NTNG2: variants seen among roughly 807,000 people sequenced by gnomAD.
The protein encoded by NTNG2 is netrin G2.
A neutral mutation model predicts 47.6 loss-of-function variants in NTNG2; 15 were observed. That is an observed-to-expected ratio of 0.32 (90% confidence interval 0.21 to 0.49). The LOEUF is 0.49. Ranked by LOEUF, NTNG2 falls within the 20% of genes least tolerant of loss-of-function variation. The pLI, the probability that NTNG2 is intolerant of heterozygous loss-of-function variation, is 0.99. For missense variants in NTNG2, 578 were observed against 764.6 expected (o/e 0.76, Z 2.88); for synonymous variants, 307 against 324.6 (o/e 0.95, Z 0.58).
intron 3 of NTNG2, among the ~76,000 whole-genome samples, chr9:132,209,155 GT>G (rs1457729980): frequency 6.6e-6 from 1 of 152,264 alleles, no homozygotes; most frequent in Non-Finnish European, 1.5e-5. Context: ...TCGTGGAAAG[GT>G]TTTTGGGTGA....
chr9:132,200,506 G>A (rs949357222), intron 3 of NTNG2, among the ~76,000 whole-genome samples: 5 of 152,234 alleles, frequency 3.3e-5, no homozygotes, highest in African/African-American at 9.7e-5. Flanking sequence ...GTACAGGACC[G>A]GGAAAAACAT....
intron 2 of NTNG2, among the ~76,000 whole-genome samples, chr9:132,195,795 A>AT (rs1245610886): frequency 1.0e-3 from 151 of 151,432 alleles, no homozygotes; most frequent in African/African-American, 3.5e-3. Flanking sequence ...TGCCCAGCTA[A>AT]TTTTTAAATT....
At chr9:132,212,386 T>C (rs1003638684) in intron 3 of NTNG2, among the ~76,000 whole-genome samples, 1 of 152,148 alleles carries the variant, frequency 6.6e-6, no homozygotes, top group African/African-American at 2.4e-5. Flanking sequence ...TTGTAATGGG[T>C]AATAGGATTT....
At chr9:132,239,650 C>T (rs983667118) in intron 6 of NTNG2, among the ~76,000 whole-genome samples, 1 of 152,198 alleles carries the variant, frequency 6.6e-6, no homozygotes, top group African/African-American at 2.4e-5. Context: ...TGGGGGGGTC[C>T]CCCTCCATAG....
intron 2 of NTNG2, among the ~76,000 whole-genome samples, chr9:132,170,705 G>A (rs1157689590): frequency 6.6e-6 from 1 of 152,160 alleles, no homozygotes; most frequent in Non-Finnish European, 1.5e-5. Flanking sequence ...GAGCTGACGA[G>A]CAGGTGAGAG....
At chr9:132,225,279 G>GT (rs1480419966) in intron 3 of NTNG2, among the ~76,000 whole-genome samples, 33 of 145,796 alleles carry the variant, frequency 2.3e-4, no homozygotes, top group East Asian at 8.3e-4. Flanking sequence ...GTTTTGTTTT[G>GT]TTTTTTTTGG....
In NTNG2 at chr9:132,226,253, G is replaced by T. The variant is rs1840747203; in HGVS notation, c.858-596G>T. ...TTTATTTACCAGTTTTCAGAATAAT[G>T]AGTCGCCTATAAATATTTGAATGAA... is the stretch of plus-strand genomic sequence containing the variant. On this transcript the variant is annotated intron_variant, in intron 3 of 7. Transcript: ENST00000393229. The surrounding 1 kb of genome is among the most constrained non-coding windows in gnomAD (Gnocchi z 4.8). 6.6e-6 allele frequency among the ~76,000 whole-genome samples: 1 copy of T among 152,230 alleles called. No individual in the cohort carries two copies. Among genetic ancestry groups the T allele is most frequent in the South Asian group, 2.1e-4 (1 of 4,836 alleles).
At position 132,218,488 on chromosome 9, in the gene NTNG2, G is replaced by GA. The variant is rs1554791046; in HGVS notation, c.858-8361_858-8360insA. 6.6e-6 allele frequency among the ~76,000 whole-genome samples: 1 copy of GA among 151,572 alleles called. No homozygotes were observed. The highest frequency in any genetic ancestry group is 1.5e-5 in the Non-Finnish European group (1 of 67,864). ...CAATGTGATAGCGTTTTGTTTTTTT[G>GA]TTTTTTTTGTTTTTCTGGTTTTTTT... is the stretch of plus-strand genomic sequence containing the variant. On this transcript the variant is annotated intron_variant, in intron 3 of 7. Coordinates refer to ENST00000393229, the MANE Select transcript of NTNG2 (RefSeq NM_032536.4). This position sits in a 1 kb window ranked among gnomAD's most constrained non-coding sequence, Gnocchi z 5.4.
chr9:132,230,443 G>A (rs1207996488), intron 4 of NTNG2, 129 bp from the exon 5 acceptor site: 3 of 767,988 alleles, frequency 3.9e-6, no homozygotes, highest in African/African-American at 1.7e-5. Flanking sequence ...CAGTTGTGTG[G>A]TGGAGCAGGT....
chr9:132,168,505 A>C (rs1835657214), intron 2 of NTNG2, among the ~76,000 whole-genome samples: 1 of 151,904 alleles, frequency 6.6e-6, no homozygotes, highest in Admixed American at 6.6e-5. Context: ...AGTGGTGATG[A>C]GGCTGTCACT....
chr9:132,168,724 G>A lies in NTNG2; in HGVS notation c.213+1680G>A, dbSNP rs79179792. ...GGTACTCAGTCCACATCTCAAAGCC[G>A]GTGGGAGGGTTCTCCACACGCTCTC... On this transcript the variant is annotated intron_variant, in intron 2 of 7. Coordinates refer to ENST00000393229, the MANE Select transcript of NTNG2 (RefSeq NM_032536.4). Among the ~76,000 whole-genome samples, 822 of 152,296 alleles carry A rather than the reference G, an allele frequency of 5.4e-3. 2 individuals carry two copies. The highest frequency in any genetic ancestry group is 9.5e-3 in the Non-Finnish European group (645 of 68,012).
intron 1 of NTNG2, among the ~76,000 whole-genome samples, chr9:132,164,940 C>T (rs1402246861): frequency 1.3e-5 from 2 of 152,102 alleles, no homozygotes; most frequent in Non-Finnish European, 2.9e-5. Flanking sequence ...TTGGCAGGAG[C>T]GTTTTTCTGT....
chr9:132,230,460 G>C, intron 4 of NTNG2, 112 bp from the exon 5 acceptor site: 1 of 914,508 alleles, frequency 1.1e-6, no homozygotes, highest in Non-Finnish European at 1.8e-6. Context: ...AGGTGCTCTT[G>C]AGGGAGCGAC....
At chr9:132,219,220 CAA>C (rs372778486) in intron 3 of NTNG2, among the ~76,000 whole-genome samples, 3 of 88,674 alleles carry the variant, frequency 3.4e-5, no homozygotes, top group Admixed American at 1.1e-4. Flanking sequence ...TGTCTCAAAA[CAA>C]AAAAAAAAAA....
chr9:132,219,241 A>G (rs1840192413), intron 3 of NTNG2, among the ~76,000 whole-genome samples: 1 of 151,434 alleles, frequency 6.6e-6, no homozygotes, highest in Admixed American at 6.6e-5. Flanking sequence ...AAGAAAAAAA[A>G]AGTCATCTAC....
intron 3 of NTNG2, among the ~76,000 whole-genome samples, chr9:132,222,309 G>T (rs1039614276): frequency 4.6e-5 from 7 of 152,190 alleles, no homozygotes; most frequent in Admixed American, 3.3e-4. Flanking sequence ...CCAGAAAGAA[G>T]GGCCGCCCGT....
intron 3 of NTNG2, among the ~76,000 whole-genome samples, chr9:132,213,564 C>T (rs1839764766): frequency 6.6e-6 from 1 of 152,122 alleles, no homozygotes; most frequent in South Asian, 2.1e-4. Context: ...AGCGAGGGCC[C>T]TTGTTGCTTC....
intron 3 of NTNG2, among the ~76,000 whole-genome samples, chr9:132,210,122 TC>T (rs1236406559): frequency 6.6e-6 from 1 of 152,076 alleles, no homozygotes; most frequent in Non-Finnish European, 1.5e-5. Context: ...CTCACAGAAG[TC>T]CCTTTGTCCT....
chr9:132,206,716 A>G (rs1021970062), intron 3 of NTNG2, among the ~76,000 whole-genome samples: 4 of 152,270 alleles, frequency 2.6e-5, no homozygotes, highest in African/African-American at 9.6e-5. Context: ...GGGGACACCC[A>G]GCTCTTTGGG....
Sources: gnomAD v4.1 joint callset for allele counts (sites outside exome capture counted in the v4.1 genomes callset) on GRCh38, gnomAD v4.1.1 for gene constraint, Gnocchi (gnomAD v3.1) non-coding constraint, MANE v1.5 for transcripts, NCBI Gene and HGNC (gene_info 2026-07-23, HGNC 2026-07-21) for gene names.